ABCA5: variants seen among roughly 807,000 people sequenced by gnomAD.
The protein encoded by ABCA5 is cholesterol transporter ABCA5.
ABCA5 carries 163 observed loss-of-function variants against 206.0 expected under a neutral mutation model. The observed-to-expected ratio is 0.79, with a 90% CI of 0.70 to 0.90. ABCA5 has a LOEUF of 0.90. Among genes scored for constraint, ABCA5 ranks in the 40% least tolerant of loss-of-function variants. ABCA5 has a pLI of 0.00. For synonymous variants in ABCA5, 609 were observed against 613.8 expected (o/e 0.99, Z 0.11); for missense variants, 1,859 against 1,912.9 (o/e 0.97, Z 0.53).
chr17:69,274,605 T>A (rs924509299), intron 19 of ABCA5, among the ~76,000 whole-genome samples: 6 of 146,652 alleles, frequency 4.1e-5, no homozygotes, highest in African/African-American at 1.3e-4. Flanking sequence ...AAAAAAAAAA[T>A]AAGAAATCGT....
At chr17:69,264,484 C>T (rs1032150039) in intron 24 of ABCA5, among the ~76,000 whole-genome samples, 4 of 152,220 alleles carry the variant, frequency 2.6e-5, no homozygotes, top group South Asian at 2.1e-4. Context: ...CCTGATTACA[C>T]CCAAGTAGGT....
intron 11 of ABCA5, among the ~76,000 whole-genome samples, chr17:69,293,257 G>T (rs1167837152): frequency 2.0e-5 from 3 of 152,026 alleles, no homozygotes; most frequent in African/African-American, 7.2e-5. Flanking sequence ...GAAGATTGTG[G>T]GGTCTAGTAA....
intron 1 of ABCA5, among the ~76,000 whole-genome samples, chr17:69,318,018 C>G (rs539900976): frequency 6.3e-4 from 96 of 152,246 alleles, no homozygotes; most frequent in Middle Eastern, 3.4e-3. Context: ...TTAAATAAAC[C>G]TATCTAGTGA....
chr17:69,263,375 A>G (rs1442604107), intron 24 of ABCA5, among the ~76,000 whole-genome samples: 5 of 152,292 alleles, frequency 3.3e-5, no homozygotes, highest in Admixed American at 1.3e-4. Context: ...TTACCCTTAA[A>G]TCTTTAATCC....
At chr17:69,301,744 T>G (rs1387939581) in intron 8 of ABCA5, among the ~76,000 whole-genome samples, 1 of 152,178 alleles carries the variant, frequency 6.6e-6, no homozygotes, top group Non-Finnish European at 1.5e-5. Context: ...TATTAAAGTA[T>G]TCATAGTAGA....
chr17:69,290,024 T>C lies in ABCA5; in HGVS notation c.1620A>G (p.Ile540Met), dbSNP rs754942762. Residue 540 changes from isoleucine (I) to methionine (M), a missense_variant, in exon 13 of 39, where the codon ATA becomes ATG. Ile to Met is a conservative substitution (Grantham distance 10, BLOSUM62 1). Transcript: ENST00000392676. Reference protein sequence around the residue: ...LCPPSDGFASIYGHRVSEIDE... With the variant: ...LCPPSDGFASMYGHRVSEIDE... The stretch of plus-strand genomic sequence containing the variant: ...CTATTTCTGAGACTCTGTGTCCATA[T>C]ATAGATGCAAACCCTAAAAGCAAAA... The C allele has an allele frequency of 9.4e-6, 15 of 1,591,456 alleles. No individual in the cohort carries two copies. The East Asian group carries it at 2.9e-4, about 31-fold the overall frequency.
chr17:69,257,707 AG>A, intron 28 of ABCA5, among the ~76,000 whole-genome samples: 1 of 152,044 alleles, frequency 6.6e-6, no homozygotes, highest in Non-Finnish European at 1.5e-5. Context: ...AGATCCAGAA[AG>A]GAAAGAGAAA....
chr17:69,265,177 A>C (rs2075194529), intron 23 of ABCA5, among the ~76,000 whole-genome samples: 1 of 152,150 alleles, frequency 6.6e-6, no homozygotes, highest in Non-Finnish European at 1.5e-5. Flanking sequence ...ATTAAAATAA[A>C]GCAAAAGGTG....
intron 2 of ABCA5, 25 bp downstream of exon 2, chr17:69,314,289 C>T (rs2075795909): frequency 6.7e-7 from 1 of 1,490,218 alleles, no homozygotes; most frequent in South Asian, 1.2e-5. Context: ...TGCAAAAAAG[C>T]ATAAGAAAGA....
intron 15 of ABCA5, among the ~76,000 whole-genome samples, chr17:69,287,344 G>C (rs2075468282): frequency 6.6e-6 from 1 of 152,072 alleles, no homozygotes; most frequent in South Asian, 2.1e-4. Flanking sequence ...ACTTAGCTTT[G>C]TATCCTTTTG....
chr17:69,273,057 C>T (rs1418708362), intron 20 of ABCA5, among the ~76,000 whole-genome samples: 5 of 152,272 alleles, frequency 3.3e-5, no homozygotes, highest in Non-Finnish European at 7.4e-5. Context: ...AAAATCAGAA[C>T]ACTATGTCAG....
intron 10 of ABCA5, among the ~76,000 whole-genome samples, 195 bp downstream of exon 10, chr17:69,296,995 CA>C (rs377442493): frequency 8.5e-5 from 13 of 152,152 alleles, no homozygotes; most frequent in African/African-American, 2.6e-4. Flanking sequence ...CATAAAATTT[CA>C]AACCTAGCAC....
At chr17:69,325,509 C>T (rs909798589) in intron 1 of ABCA5, among the ~76,000 whole-genome samples, 2 of 152,126 alleles carry the variant, frequency 1.3e-5, no homozygotes, top group East Asian at 1.9e-4. Flanking sequence ...AAAGTTATGA[C>T]TTAGTACAAT....
chr17:69,266,961 G>T (rs1361685248), intron 23 of ABCA5, among the ~76,000 whole-genome samples: 1 of 151,616 alleles, frequency 6.6e-6, no homozygotes, highest in Admixed American at 6.6e-5. Flanking sequence ...TGCAATCTCC[G>T]CCTCTCGGGT....
intron 3 of ABCA5, among the ~76,000 whole-genome samples, chr17:69,310,666 T>C (rs976747689): frequency 3.9e-5 from 6 of 152,248 alleles, no homozygotes; most frequent in African/African-American, 7.2e-5. Context: ...GACTAATTTT[T>C]AAATATTTTC....
At chr17:69,275,450 T>A (rs557019559) in intron 19 of ABCA5, among the ~76,000 whole-genome samples, 41 of 152,304 alleles carry the variant, frequency 2.7e-4, no homozygotes, top group African/African-American at 4.6e-4. Context: ...GTAATTTTTT[T>A]AAAAAAATTC....
rs3029978 is a variant in ABCA5, at chr17:69,322,363, C to CAAAAAAA, written c.-16+4682_-16+4688dup. ...CTGGCAACAGAGCAAGATTCCGTCTCAAAAAAAAAAAAAAAAAAAAAAAAG... is the reference window on the plus strand; with the variant it reads ...CTGGCAACAGAGCAAGATTCCGTCTCAAAAAAAAAAAAAAAAAAAAAAAAAAAAAAAG... On this transcript the variant is annotated intron_variant, in intron 1 of 38. Coordinates refer to ENST00000392676, the MANE Select transcript of ABCA5 (RefSeq NM_172232.4). 2.9e-4 allele frequency among the ~76,000 whole-genome samples: 15 copies of CAAAAAAA among 52,380 alleles called. 2 individuals are homozygous for CAAAAAAA. The highest frequency in any genetic ancestry group is 4.2e-4 in the Non-Finnish European group (13 of 30,746). 34.4% of individuals were successfully genotyped at this position (52,380 alleles called of 152,430 possible).
At chr17:69,271,419 C>G (rs1228162908) in intron 20 of ABCA5, 130 bp from the exon 21 acceptor site, 1 of 1,010,548 alleles carries the variant, frequency 9.9e-7, no homozygotes, top group Admixed American at 3.2e-5. Context: ...AGTACATTGG[C>G]TCTGAAGCCA....
rs775716395 is a variant in ABCA5, at chr17:69,259,680, T to C, written c.3731+26A>G. On this transcript the variant is annotated intron_variant, in intron 28 of 38. Coordinates refer to ENST00000392676, the MANE Select transcript of ABCA5 (RefSeq NM_172232.4). ...AGTTCTGTAAATATACTAAAAACAT[T>C]TAAAATTTTTAAAAAATCAACTGAC... 29 of 1,463,096 alleles carry C rather than the reference T, an allele frequency of 2.0e-5. 1 individual carries two copies. In the South Asian group the frequency reaches 3.2e-4, roughly 16 times the overall value. The allele number at this position is 1,463,096 out of a possible 1,614,324, so 90.6% of individuals were successfully genotyped here. A position where few individuals can be genotyped will look rare whatever the true frequency, so the allele number is the denominator to read the frequency against.
Sources: allele counts gnomAD v4.1 joint callset (sites outside exome capture counted in the v4.1 genomes callset), GRCh38; gene constraint gnomAD v4.1.1; transcripts MANE v1.5; gene names NCBI Gene and HGNC (gene_info 2026-07-23, HGNC 2026-07-21).